Variants in VWA8 observed in about 807,000 individuals in gnomAD.
VWA8 encodes the protein von Willebrand factor A domain-containing protein 8.
VWA8 carries 221 observed loss-of-function variants against 241.5 expected under a neutral mutation model. The ratio of observed to expected loss-of-function variants is 0.91; its 90% CI spans 0.82 to 1.02. The LOEUF is 1.02. Among genes scored for constraint, VWA8 ranks in the 50% least tolerant of loss-of-function variants. The pLI, the probability that VWA8 is intolerant of heterozygous loss-of-function variation, is 0.00. For synonymous variants in VWA8, 852 were observed against 827.1 expected (o/e 1.03, Z -0.52); for missense variants, 2,322 against 2,328.7 (o/e 1.00, Z 0.06).
Position 41,777,967 on chromosome 13 carries a change from A to C in VWA8, c.2349+18T>G. The stretch of plus-strand genomic sequence containing the variant: ...CTATCATTTTTTCATTGGTACCTAG[A>C]TTTTAGCCATAACTCACCTGGTTGC... On this transcript the variant is annotated intron_variant, in intron 20 of 44. Coordinates refer to ENST00000379310, the MANE Select transcript of VWA8 (RefSeq NM_015058.2). 1 of 1,594,732 alleles carries C rather than the reference A, an allele frequency of 6.3e-7. No individual in the cohort carries two copies. Among genetic ancestry groups the C allele is most frequent in the South Asian group, 1.1e-5 (1 of 87,216 alleles).
chr13:41,953,854 TTATG>T lies in VWA8; in HGVS notation c.164-3845_164-3842del, dbSNP rs577173272. On this transcript the variant is annotated intron_variant, in intron 1 of 44. Coordinates refer to ENST00000379310, the MANE Select transcript of VWA8 (RefSeq NM_015058.2). ...AATTAAAGGATGGAAGTCATAAAGA[TTATG>T]TTTTCTTACCACAGTGGAATTAAAC... Among the ~76,000 whole-genome samples the T allele has an allele frequency of 8.2e-3, 1,245 of 152,046 alleles. 8 individuals carry two copies. The highest frequency in any genetic ancestry group is 9.7e-3 in the Non-Finnish European group (661 of 67,954).
intron 43 of VWA8, among the ~76,000 whole-genome samples, chr13:41,572,797 TAAAAAAAAAA>T (rs869088660): frequency 1.5e-5 from 1 of 67,786 alleles, no homozygotes; most frequent in Non-Finnish European, 3.1e-5. Context: ...CAATAAATAC[TAAAAAAAAAA>T]AAAAAAAAAA....
At chr13:41,582,412 G>A (rs9566799) in intron 42 of VWA8, among the ~76,000 whole-genome samples, 6,732 of 152,082 alleles carry the variant, frequency 0.044, 334 homozygotes, top group African/African-American at 0.12. Flanking sequence ...CCAGGCCAGC[G>A]GCTTCTGAAG....
intron 26 of VWA8, among the ~76,000 whole-genome samples, chr13:41,718,889 A>T (rs191178997): frequency 6.6e-6 from 1 of 152,024 alleles, no homozygotes; most frequent in Admixed American, 6.6e-5. Flanking sequence ...ATTTTTATAG[A>T]CAAAGATGGT....
intron 12 of VWA8, among the ~76,000 whole-genome samples, chr13:41,837,742 C>G (rs114868608): frequency 0.011 from 1,673 of 152,194 alleles, 33 homozygotes; most frequent in African/African-American, 0.039. Context: ...TAAAAGTGTG[C>G]TTATTCCATA....
At chr13:41,684,545 T>C (rs2045122282) in intron 35 of VWA8, among the ~76,000 whole-genome samples, 1 of 152,112 alleles carries the variant, frequency 6.6e-6, no homozygotes. Context: ...CATGTATAAA[T>C]TAGAGAGCAT....
chr13:41,632,188 G>A (rs1016218846), intron 37 of VWA8, among the ~76,000 whole-genome samples: 7 of 152,164 alleles, frequency 4.6e-5, no homozygotes, highest in East Asian at 1.9e-4. Context: ...TTAATGCCAC[G>A]TACTTCATTA....
At chr13:41,625,209 A>G (rs2044681644) in intron 37 of VWA8, among the ~76,000 whole-genome samples, 3 of 152,176 alleles carry the variant, frequency 2.0e-5, no homozygotes, top group Admixed American at 2.0e-4. Context: ...AGTAATGGCA[A>G]CAAAAGCCAA....
rs148642688 is a variant in VWA8 at position 41,768,817 on chromosome 13, AAG to A, written c.2350-7615_2350-7614del. 3.3e-3 allele frequency among the ~76,000 whole-genome samples: 497 copies of A among 152,274 alleles called. 3 individuals are homozygous for A. The highest frequency in any genetic ancestry group is 0.011 in the African/African-American group (468 of 41,550). Reference sequence around the variant, plus strand: ...AGGAGGGTACATCTTTCCTCTTTCAAAGAGACTTAGGAGGCACATCAACTAAA... The same window carrying A: ...AGGAGGGTACATCTTTCCTCTTTCAAAGACTTAGGAGGCACATCAACTAAA... On this transcript the variant is annotated intron_variant, in intron 20 of 44. Coordinates refer to ENST00000379310, the MANE Select transcript of VWA8 (RefSeq NM_015058.2).
At chr13:41,903,519 A>T (rs537786730) in intron 4 of VWA8, among the ~76,000 whole-genome samples, 4 of 152,160 alleles carry the variant, frequency 2.6e-5, no homozygotes, top group Non-Finnish European at 5.9e-5. Context: ...GGCATGGTAT[A>T]TTTGGAAAGG....
chr13:41,701,321 G>C (rs1041414196), intron 28 of VWA8, 71 bp downstream of exon 28: 1 of 1,466,838 alleles, frequency 6.8e-7, no homozygotes, highest in Non-Finnish European at 9.0e-7. Context: ...TTGATGTCTA[G>C]AGATTATTTT....
Position 41,960,901 on chromosome 13 carries a change from G to C in VWA8, c.115C>G (p.Gln39Glu). The C allele has an allele frequency of 6.6e-7, 1 of 1,513,252 alleles. No individual in the cohort carries two copies. The highest frequency in any genetic ancestry group is 1.2e-5 in the South Asian group (1 of 82,794). The allele number at this position is 1,513,252 out of a possible 1,614,324, so 93.7% of individuals were successfully genotyped here. ...VVQRRPGGDRQRPEVRLLHAG... is the reference protein window; with the variant it reads ...VVQRRPGGDRERPEVRLLHAG... ...TGCAACAGTCTGACCTCCGGCCGCT[G>C]CCTGTCGCCACCCGGCCTGCGCTGC... Residue 39 changes from glutamine to glutamate, a missense_variant, in exon 1 of 45, where the codon CAG becomes GAG. Physicochemically the swap from Gln to Glu is conservative, Grantham distance 29 (BLOSUM62 2). Transcript: ENST00000379310.
intron 21 of VWA8, among the ~76,000 whole-genome samples, chr13:41,754,969 T>C (rs1012601996): frequency 1.3e-5 from 2 of 152,094 alleles, no homozygotes; most frequent in Non-Finnish European, 2.9e-5. Flanking sequence ...TAGTACTCTA[T>C]TGTGTATATA....
chr13:41,846,141 C>A (rs1180685691), intron 12 of VWA8, among the ~76,000 whole-genome samples: 1 of 151,610 alleles, frequency 6.6e-6, no homozygotes, highest in Non-Finnish European at 1.5e-5. Context: ...AATTCCTGAG[C>A]TCTAGTGATC....
At chr13:41,946,653 T>TAA (rs536046175) in intron 2 of VWA8, among the ~76,000 whole-genome samples, 1 of 135,464 alleles carries the variant, frequency 7.4e-6, no homozygotes, top group Non-Finnish European at 1.6e-5. Flanking sequence ...ACAAAATAAT[T>TAA]AAAAAAAAAA....
intron 29 of VWA8, among the ~76,000 whole-genome samples, chr13:41,694,085 C>T (rs2045198564): frequency 6.6e-6 from 1 of 151,502 alleles, no homozygotes; most frequent in Non-Finnish European, 1.5e-5. Flanking sequence ...TCATTTTTTC[C>T]ATAATATTTA....
At chr13:41,626,129 G>T (rs1468121193) in intron 37 of VWA8, among the ~76,000 whole-genome samples, 1 of 150,522 alleles carries the variant, frequency 6.6e-6, no homozygotes, top group Admixed American at 6.6e-5. Context: ...TATACCTAAT[G>T]CTAAATGACG....
At chr13:41,929,919 T>C (rs535035984) in intron 2 of VWA8, among the ~76,000 whole-genome samples, 2 of 152,184 alleles carry the variant, frequency 1.3e-5, no homozygotes, top group South Asian at 2.1e-4. Flanking sequence ...TTGCACAGCA[T>C]AGAAAACAAT....
chr13:41,754,745 C>T (rs959309032), intron 21 of VWA8, among the ~76,000 whole-genome samples: 2 of 152,058 alleles, frequency 1.3e-5, no homozygotes, highest in Non-Finnish European at 2.9e-5. Flanking sequence ...CTTACTTCCG[C>T]AACACCCCAC....
Sources: allele counts gnomAD v4.1 joint callset (sites outside exome capture counted in the v4.1 genomes callset), GRCh38; gene constraint gnomAD v4.1.1; transcripts MANE v1.5; gene names NCBI Gene and HGNC (gene_info 2026-07-23, HGNC 2026-07-21).